Variants in ULK1 observed in about 807,000 individuals in gnomAD.
ULK1 encodes serine/threonine-protein kinase ULK1.
Under a neutral mutation model 117.5 loss-of-function variants are expected in ULK1, and 48 were observed. That is an observed-to-expected ratio of 0.41 (90% CI 0.32 to 0.52). The LOEUF (loss-of-function observed/expected upper bound fraction) is 0.52. Among genes scored for constraint, ULK1 ranks in the 20% least tolerant of loss-of-function variants. The pLI is 0.29. For missense variants in ULK1, 1,387 were observed against 1,473.4 expected (o/e 0.94, Z 0.96); for synonymous variants, 790 against 637.8 (o/e 1.24, Z -3.60).
intron 3 of ULK1, 94 bp from the exon 4 acceptor site, chr12:131,906,792 ACTGCAG>A: frequency 6.8e-7 from 1 of 1,478,778 alleles, no homozygotes; most frequent in South Asian, 1.1e-5. Flanking sequence ...AAGTCCTGGC[ACTGCAG>A]GGCCTGCCCA....
In ULK1 at chr12:131,902,299, C is replaced by T. The variant is rs1889121862; in HGVS notation, c.247-4593C>T. Among the ~76,000 whole-genome samples, 1 of 152,200 alleles carries T rather than the reference C, an allele frequency of 6.6e-6. No individual in the cohort carries two copies. Among genetic ancestry groups the T allele is most frequent in the African/African-American group, 2.4e-5 (1 of 41,440 alleles). On this transcript the variant is annotated intron_variant, in intron 3 of 27. Coordinates refer to ENST00000321867, the MANE Select transcript of ULK1 (RefSeq NM_003565.4). This position sits in a 1 kb window ranked among gnomAD's most constrained non-coding sequence, Gnocchi z 6.3. The stretch of plus-strand genomic sequence containing the variant: ...GTGAACTAGGTCAGTGCCTGCTCAC[C>T]AGGCCCAGCCCAGGATCACCAGACA...
At chr12:131,917,855 T>C (rs1415369989) in intron 22 of ULK1, among the ~76,000 whole-genome samples, 1 of 152,240 alleles carries the variant, frequency 6.6e-6, no homozygotes, top group Non-Finnish European at 1.5e-5. Context: ...CATGGCCTCC[T>C]TGCCCAGCTG....
At position 131,906,836 on chromosome 12, in the gene ULK1, C is replaced by G. The variant is rs544013341; in HGVS notation, c.247-56C>G. ...CCGAATTGGGGCTGAGCCAGACTCCCTGCAGTGGGGCCCGGTGGCACTGGG... is the reference window on the plus strand; with the variant it reads ...CCGAATTGGGGCTGAGCCAGACTCCGTGCAGTGGGGCCCGGTGGCACTGGG... On this transcript the variant is annotated intron_variant, in intron 3 of 27. Coordinates refer to ENST00000321867, the MANE Select transcript of ULK1 (RefSeq NM_003565.4). 1.9e-6 allele frequency: 3 copies of G among 1,612,360 alleles called. No individual in the cohort carries two copies. In the African/African-American group the frequency reaches 4.0e-5, roughly 21 times the overall value.
At position 131,910,303 on chromosome 12, in the gene ULK1, A is replaced by T. The variant is rs760206491; in HGVS notation, c.858A>T (p.Lys286Asn). 6.2e-7 allele frequency: 1 copy of T among 1,613,724 alleles called. No individual in the cohort carries two copies. The highest frequency in any genetic ancestry group is 8.5e-7 in the Non-Finnish European group (1 of 1,179,976). The change falls in exon 11 of 28, where the codon AAA (lysine) becomes AAT (asparagine). Residue 286 changes from lysine to asparagine, a missense_variant and splice_region_variant. Transcript: ENST00000321867. ...TCGATGCCAGCCCCTCGGTCAGGAAATGTGAGTTTCTGTGGGTCCTGGGGC... is the reference window on the plus strand; with the variant it reads ...TCGATGCCAGCCCCTCGGTCAGGAATTGTGAGTTTCTGTGGGTCCTGGGGC... Reference protein sequence around the residue: ...PFLDASPSVRKSPPVPVPSYP... With the variant: ...PFLDASPSVRNSPPVPVPSYP...
At position 131,914,345 on chromosome 12, in the gene ULK1, A is replaced by G; in HGVS notation, c.1248-7A>G. 1 of 1,608,508 alleles carries G rather than the reference A, an allele frequency of 6.2e-7. No individual in the cohort carries two copies. Among genetic ancestry groups the G allele is most frequent in the Non-Finnish European group, 8.5e-7 (1 of 1,179,798 alleles). On this transcript the variant is annotated splice_region_variant and splice_polypyrimidine_tract_variant and intron_variant, in intron 15 of 27. Transcript: ENST00000321867. ...TCTGTCATGATCCTGACCTCTCTCC[A>G]CCACAGCCGGGCTGGCCCGTTCTCC...
In ULK1 at chr12:131,919,270, T is replaced by C. The variant is rs1464805063; in HGVS notation, c.2570T>C (p.Val857Ala). 6.3e-7 allele frequency: 1 copy of C among 1,599,014 alleles called. No individual in the cohort carries two copies. Among genetic ancestry groups the C allele is most frequent in the Admixed American group, 1.7e-5 (1 of 59,676 alleles). Residue 857 changes from valine (V) to alanine (A), a missense_variant, in exon 24 of 28, where the codon GTC becomes GCC. Physicochemically the swap from Val to Ala is moderately conservative, Grantham distance 64 (BLOSUM62 0). Coordinates refer to ENST00000321867, the MANE Select transcript of ULK1 (RefSeq NM_003565.4). ...TTCACGCTGCTGTTCGTGCAGCACG[T>C]CCTGGAGATCGCAGCCCTGAAGGGC... is the stretch of plus-strand genomic sequence containing the variant. The part of the protein sequence containing the change: ...LRFTLLFVQH[V>A]LEIAALKGSA...
At chr12:131,895,143 G>GC in intron 1 of ULK1, 31 bp downstream of exon 1, 1 of 1,107,102 alleles carries the variant, frequency 9.0e-7, no homozygotes. Context: ...GGGATCCCCC[G>GC]CCCAGGATCC....
At chr12:131,916,705 C>T (rs376886685) in intron 20 of ULK1, 114 bp downstream of exon 20, 148 of 1,319,120 alleles carry the variant, frequency 1.1e-4, no homozygotes, top group Middle Eastern at 2.7e-4. Context: ...CCTTGCCCTT[C>T]TGTGGGTGCC....
chr12:131,900,782 G>T (rs1889054260), intron 3 of ULK1, among the ~76,000 whole-genome samples: 1 of 152,250 alleles, frequency 6.6e-6, no homozygotes, highest in African/African-American at 2.4e-5. Flanking sequence ...GAGGTGTCCA[G>T]CCCTGCTTGG....
chr12:131,918,319 G>C, intron 22 of ULK1, 178 bp from the exon 23 acceptor site: 1 of 745,018 alleles, frequency 1.3e-6, no homozygotes. Flanking sequence ...AGTGGCAAGA[G>C]GTTGAGGAGT....
rs1305643868 is a variant in ULK1 at position 131,894,804 on chromosome 12, G to C, written c.-198G>C. Reference sequence around the variant, plus strand: ...GGCGCCGGAGGGAGCGCGACCCTCGGACCCCGCCTGGCCCGCGGGGCTGGG... The same window carrying C: ...GGCGCCGGAGGGAGCGCGACCCTCGCACCCCGCCTGGCCCGCGGGGCTGGG... On this transcript the variant is annotated 5_prime_UTR_variant, in exon 1 of 28. Transcript: ENST00000321867. The C allele has an allele frequency of 2.0e-5, 3 of 149,848 alleles. No homozygotes were observed. Among genetic ancestry groups the C allele is most frequent in the African/African-American group, 7.3e-5 (3 of 40,952 alleles). 9.3% of individuals were successfully genotyped at this position (149,848 alleles called of 1,614,324 possible). A position where few individuals can be genotyped will look rare whatever the true frequency, so the allele number is the denominator to read the frequency against.
Position 131,921,492 on chromosome 12 carries a change from C to T in ULK1, c.*131C>T. 7.2e-7 allele frequency: 1 copy of T among 1,391,518 alleles called. No homozygotes were observed. The highest frequency in any genetic ancestry group is 9.9e-7 in the Non-Finnish European group (1 of 1,005,738). The allele number at this position is 1,391,518 out of a possible 1,614,324, so 86.2% of individuals were successfully genotyped here. On this transcript the variant is annotated 3_prime_UTR_variant, in exon 28 of 28. Transcript: ENST00000321867. ...TGAGCCCTGCCCTGGGCCCCACGGA[C>T]AGTCAGCCTGCCGGCCTCCCTGCAG...
At position 131,903,070 on chromosome 12, in the gene ULK1, C is replaced by T. The variant is rs1889147395; in HGVS notation, c.247-3822C>T. 6.6e-6 allele frequency among the ~76,000 whole-genome samples: 1 copy of T among 152,132 alleles called. No individual in the cohort carries two copies. Among genetic ancestry groups the T allele is most frequent in the Non-Finnish European group, 1.5e-5 (1 of 67,998 alleles). ...GTCAGCTGTGGCCGGTGAGGCTGTG[C>T]TCTCACCTGACCCCCCTCAAGAGCC... On this transcript the variant is annotated intron_variant, in intron 3 of 27. Transcript: ENST00000321867. This position sits in a 1 kb window ranked among gnomAD's most constrained non-coding sequence, Gnocchi z 6.0.
At chr12:131,906,754 TC>T in intron 3 of ULK1, 137 bp from the exon 4 acceptor site, 1 of 1,042,608 alleles carries the variant, frequency 9.6e-7, no homozygotes, top group Non-Finnish European at 1.5e-6. Flanking sequence ...AGAGATGTCC[TC>T]GTCTCCCGGC....
intron 5 of ULK1, among the ~76,000 whole-genome samples, chr12:131,908,092 G>T (rs573149583): frequency 6.6e-6 from 1 of 152,224 alleles, no homozygotes; most frequent in East Asian, 1.9e-4. Context: ...CTGAGCACCC[G>T]GGAGCCGGCA....
intron 20 of ULK1, 95 bp downstream of exon 20, chr12:131,916,686 A>G: frequency 7.2e-7 from 1 of 1,382,294 alleles, no homozygotes; most frequent in Non-Finnish European, 9.5e-7. Context: ...TAGAACAGGA[A>G]AAGCCCAGCC....
At chr12:131,916,638 C>A in intron 20 of ULK1, 47 bp downstream of exon 20, 4 of 1,485,098 alleles carry the variant, frequency 2.7e-6, no homozygotes, top group Non-Finnish European at 3.6e-6. Flanking sequence ...GGGGCAGCCT[C>A]TTTCCCCTGC....
rs767234260 is a variant in ULK1, at chr12:131,909,240, A to G, written c.666+3A>G. The stretch of plus-strand genomic sequence containing the variant: ...TGACGGGGAAGGCGCCCTTCCAGGT[A>G]ACTGGGCTTGGCCCTGCTCCCCACG... On this transcript the variant is annotated splice_donor_region_variant and intron_variant, in intron 8 of 27. Coordinates refer to ENST00000321867, the MANE Select transcript of ULK1 (RefSeq NM_003565.4). The G allele has an allele frequency of 1.9e-6, 3 of 1,587,820 alleles. No individual in the cohort carries two copies. The highest frequency in any genetic ancestry group is 1.8e-5 in the Admixed American group (1 of 56,536).
At chr12:131,911,152 G>GGGTGATGGCCCCACAT (rs1408127387) in intron 12 of ULK1, among the ~76,000 whole-genome samples, 6 of 152,246 alleles carry the variant, frequency 3.9e-5, no homozygotes, top group African/African-American at 1.4e-4. Flanking sequence ...TAGGGTTGCA[G>GGGTGATGGCCCCACAT]GGTGATGGCC....
Sources: allele counts gnomAD v4.1 joint callset (sites outside exome capture counted in the v4.1 genomes callset), GRCh38; gene constraint gnomAD v4.1.1; non-coding constraint Gnocchi (gnomAD v3.1); transcripts MANE v1.5; gene names NCBI Gene and HGNC (gene_info 2026-07-23, HGNC 2026-07-21).